The following PPP3CC variants were observed in gnomAD, a reference collection of about 807,000 sequenced individuals.
PPP3CC encodes the protein serine/threonine-protein phosphatase 2B catalytic subunit gamma isoform.
A neutral mutation model predicts 60.3 loss-of-function variants in PPP3CC; 35 were observed. That is an observed-to-expected ratio of 0.58 (90% CI 0.44 to 0.77). The LOEUF (loss-of-function observed/expected upper bound fraction) is 0.77. Ranked by LOEUF, PPP3CC falls within the 30% of genes least tolerant of loss-of-function variation. PPP3CC has a pLI of 0.00. For missense variants in PPP3CC, 570 were observed against 628.9 expected (o/e 0.91, Z 1.00); for synonymous variants, 206 against 224.3 (o/e 0.92, Z 0.73).
At chr8:22,457,403 A>G (rs1837235629) in intron 1 of PPP3CC, among the ~76,000 whole-genome samples, 2 of 151,618 alleles carry the variant, frequency 1.3e-5, no homozygotes, top group Admixed American at 6.6e-5. Context: ...CCTAGGTTCA[A>G]GTGATTCTCC....
intron 12 of PPP3CC, among the ~76,000 whole-genome samples, chr8:22,533,958 G>T (rs890464929): frequency 2.4e-4 from 37 of 152,148 alleles, no homozygotes; most frequent in Non-Finnish European, 4.9e-4. Context: ...CAGCACTTTG[G>T]GAGGCTGAGG....
chr8:22,481,693 A>G (rs1352633077), intron 3 of PPP3CC, among the ~76,000 whole-genome samples: 1 of 151,342 alleles, frequency 6.6e-6, no homozygotes, highest in African/African-American at 2.4e-5. Context: ...TCCCTCCCCT[A>G]GCCCCCCACC....
At chr8:22,473,468 C>CTTT (rs34686423) in intron 1 of PPP3CC, among the ~76,000 whole-genome samples, 6 of 146,864 alleles carry the variant, frequency 4.1e-5, no homozygotes, top group Admixed American at 6.8e-5. Flanking sequence ...CCCTTATCCA[C>CTTT]TTTTTTTTTT....
intron 1 of PPP3CC, among the ~76,000 whole-genome samples, chr8:22,465,279 T>C (rs1157009786): frequency 6.6e-6 from 1 of 152,056 alleles, no homozygotes; most frequent in East Asian, 1.9e-4. Context: ...TACTTCTTGA[T>C]AGGATAGGGT....
At chr8:22,529,441 T>G (rs974859353) in intron 10 of PPP3CC, among the ~76,000 whole-genome samples, 2 of 152,220 alleles carry the variant, frequency 1.3e-5, no homozygotes, top group African/African-American at 4.8e-5. Context: ...TTTCTTGTGT[T>G]TGTTGGCAAT....
At chr8:22,453,370 G>A (rs1433884550) in intron 1 of PPP3CC, among the ~76,000 whole-genome samples, 1 of 152,180 alleles carries the variant, frequency 6.6e-6, no homozygotes, top group Non-Finnish European at 1.5e-5. Context: ...ATAATTCGGA[G>A]TTCTGACAAA....
rs1443052955 is a variant in PPP3CC, at chr8:22,540,744, C to T, written c.1481C>T (p.Thr494Ile). The T allele has an allele frequency of 6.2e-7, 1 of 1,614,080 alleles. No homozygotes were observed. Among genetic ancestry groups the T allele is most frequent in the Admixed American group, 1.7e-5 (1 of 60,034 alleles). Residue 494 changes from threonine (T) to isoleucine (I), a missense_variant, in exon 14 of 14, where the codon ACC becomes ATC. By Grantham distance (89) the Thr-to-Ile change is moderately conservative (BLOSUM62 -1). Transcript: ENST00000240139. ...GCTGGTGGGCCAATGAAATCTGTAA[C>T]CTCAGCACACTCACATGCTGCGCAC... ...IHAGGPMKSVTSAHSHAAHRS... is the reference protein window; with the variant it reads ...IHAGGPMKSVISAHSHAAHRS...
At chr8:22,470,856 A>T (rs892070643) in intron 1 of PPP3CC, among the ~76,000 whole-genome samples, 1 of 152,200 alleles carries the variant, frequency 6.6e-6, no homozygotes, top group Non-Finnish European at 1.5e-5. Flanking sequence ...GGTAAAACCA[A>T]TGTTGACCCC....
At chr8:22,500,132 T>C (rs968058820) in intron 4 of PPP3CC, among the ~76,000 whole-genome samples, 15 of 152,238 alleles carry the variant, frequency 9.9e-5, no homozygotes, top group Non-Finnish European at 2.1e-4. Context: ...TAAAGACTTT[T>C]GGCATACTCT....
At chr8:22,519,601 G>A (rs1023703332) in intron 6 of PPP3CC, among the ~76,000 whole-genome samples, 1 of 152,110 alleles carries the variant, frequency 6.6e-6, no homozygotes, top group East Asian at 1.9e-4. Flanking sequence ...TTTCAATGAC[G>A]TATAGAAACT....
chr8:22,500,342 C>T (rs925143420), intron 4 of PPP3CC, among the ~76,000 whole-genome samples: 2 of 151,958 alleles, frequency 1.3e-5, no homozygotes, highest in Admixed American at 6.6e-5. Context: ...TTTAACGAAT[C>T]CTGAATATAT....
At chr8:22,471,009 C>T (rs1286326115) in intron 1 of PPP3CC, among the ~76,000 whole-genome samples, 1 of 152,140 alleles carries the variant, frequency 6.6e-6, no homozygotes, top group African/African-American at 2.4e-5. Context: ...ACATTGTCTG[C>T]CCTTACCTTT....
At chr8:22,523,100 A>G (rs575068264) in intron 8 of PPP3CC, among the ~76,000 whole-genome samples, 8 of 152,180 alleles carry the variant, frequency 5.3e-5, no homozygotes, top group African/African-American at 1.7e-4. Context: ...CAGTATCTCA[A>G]AGTCACCATT....
chr8:22,475,035 A>G lies in PPP3CC; in HGVS notation c.131A>G (p.Asn44Ser). ...NGKPKVDVLK[N>S]HLVKEGRLEE... ...AAACCTAAAGTTGATGTTTTAAAAA[A>G]CCATTTGGTAAAGGAAGGACGACTG... Residue 44 changes from asparagine to serine, a missense_variant, in exon 2 of 14, where the codon AAC becomes AGC. Coordinates refer to ENST00000240139, the MANE Select transcript of PPP3CC (RefSeq NM_005605.5). 1 of 1,613,168 alleles carries G rather than the reference A, an allele frequency of 6.2e-7. No homozygotes were observed. The highest frequency in any genetic ancestry group is 8.5e-7 in the Non-Finnish European group (1 of 1,179,380).
chr8:22,499,364 G>A (rs1332725517), intron 4 of PPP3CC, among the ~76,000 whole-genome samples: 5 of 151,280 alleles, frequency 3.3e-5, no homozygotes, highest in Non-Finnish European at 5.9e-5. Flanking sequence ...GCGTGAACCC[G>A]GGAAGCGGAG....
rs913326280 is a variant in PPP3CC at position 22,485,286 on chromosome 8, A to C, written c.372+9662A>C. On this transcript the variant is annotated intron_variant, in intron 3 of 13. Transcript: ENST00000240139. ...GAAAATAAAGTACCCACTTACCAAG[A>C]AGGACGATAAGAAGCCTTCTCCAAC... Among the ~76,000 whole-genome samples the C allele has an allele frequency of 2.0e-5, 3 of 152,194 alleles. No homozygotes were observed. The East Asian group carries it at 5.8e-4, about 29-fold the overall frequency.
chr8:22,516,533 T>C (rs768001455), intron 6 of PPP3CC, among the ~76,000 whole-genome samples: 12 of 152,236 alleles, frequency 7.9e-5, no homozygotes, highest in Non-Finnish European at 4.4e-5. Flanking sequence ...TACTAAGATG[T>C]ATTTGTAACA....
Position 22,479,981 on chromosome 8 carries a change from A to T in PPP3CC, c.372+4357A>T, listed in dbSNP as rs369601802. On this transcript the variant is annotated intron_variant, in intron 3 of 13. Transcript: ENST00000240139. ...CTGCTTGATCTCCGTTAATAGTTTC[A>T]TGAGTCCGTCAGTTTCTTTATTAGA... Among the ~76,000 whole-genome samples, 14 of 152,244 alleles carry T rather than the reference A, an allele frequency of 9.2e-5. No homozygotes were observed. In the East Asian group the frequency reaches 1.5e-3, roughly 17 times the overall value.
intron 1 of PPP3CC, among the ~76,000 whole-genome samples, chr8:22,472,450 G>T (rs972440295): frequency 1.4e-5 from 2 of 143,998 alleles, no homozygotes; most frequent in African/African-American, 5.2e-5. Flanking sequence ...AATATCCCTG[G>T]CTTGCCCCCC....
Sources: allele counts gnomAD v4.1 joint callset (sites outside exome capture counted in the v4.1 genomes callset), GRCh38; gene constraint gnomAD v4.1.1; transcripts MANE v1.5; gene names NCBI Gene and HGNC (gene_info 2026-07-23, HGNC 2026-07-21).